The following CCDC102B variants were observed in gnomAD, a reference collection of about 807,000 sequenced individuals.
CCDC102B encodes coiled-coil domain-containing protein 102B.
In CCDC102B, 75 loss-of-function variants were observed where a neutral mutation model predicts 57.4. The observed-to-expected ratio is 1.31, with a 90% CI of 1.08 to 1.58. The LOEUF (loss-of-function observed/expected upper bound fraction) is 1.58, where lower values mean the gene tolerates loss of function less well. Ranked by LOEUF, CCDC102B falls within the 40% of genes most tolerant of loss-of-function variation. CCDC102B has a pLI of 0.00. For missense variants in CCDC102B, 636 were observed against 582.6 expected, an observed-to-expected ratio of 1.09 and a Z score of -0.94; for synonymous variants, 206 against 201.9, an observed-to-expected ratio of 1.02 and a Z score of -0.17.
chr18:68,856,851 G>A (rs888521536), intron 4 of CCDC102B, among the ~76,000 whole-genome samples: 7 of 144,386 alleles, frequency 4.8e-5, no homozygotes, highest in African/African-American at 1.7e-4. Context: ...TGAAAATAAA[G>A]AACTTTATAT....
intron 7 of CCDC102B, among the ~76,000 whole-genome samples, chr18:69,013,392 G>A (rs2051573652): frequency 6.6e-6 from 1 of 151,908 alleles, no homozygotes; most frequent in Non-Finnish European, 1.5e-5. Flanking sequence ...GTGGAAGGAG[G>A]GTAAATGATA....
intron 4 of CCDC102B, among the ~76,000 whole-genome samples, chr18:68,868,665 CAT>C (rs1426685859): frequency 6.6e-6 from 1 of 152,158 alleles, no homozygotes; most frequent in Non-Finnish European, 1.5e-5. Context: ...AATACTTGCT[CAT>C]ATACCCTTAT....
At chr18:68,840,435 G>A (rs888041266) in intron 3 of CCDC102B, among the ~76,000 whole-genome samples, 2 of 152,070 alleles carry the variant, frequency 1.3e-5, no homozygotes, top group African/African-American at 4.8e-5. Context: ...CCCTTTTTCA[G>A]ATTCTTCATC....
At chr18:68,856,307 A>G (rs145499884) in intron 4 of CCDC102B, among the ~76,000 whole-genome samples, 1 of 152,136 alleles carries the variant, frequency 6.6e-6, no homozygotes, top group African/African-American at 2.4e-5. Flanking sequence ...TTCTTCTCTT[A>G]AGACACACGG....
At chr18:68,763,116 T>C (rs1337851566) in intron 2 of CCDC102B, among the ~76,000 whole-genome samples, 1 of 152,140 alleles carries the variant, frequency 6.6e-6, no homozygotes, top group Non-Finnish European at 1.5e-5. Flanking sequence ...TATAGATAAG[T>C]TTGGTTTACA....
intron 1 of CCDC102B, among the ~76,000 whole-genome samples, chr18:68,815,614 C>G (rs1482897787): frequency 6.6e-6 from 1 of 151,514 alleles, no homozygotes; most frequent in Non-Finnish European, 1.5e-5. Flanking sequence ...AACAAACTGA[C>G]CAGGAAATAT....
At chr18:68,740,763 A>G (rs1039812306) in intron 2 of CCDC102B, among the ~76,000 whole-genome samples, 32 of 152,154 alleles carry the variant, frequency 2.1e-4, no homozygotes, top group African/African-American at 7.5e-4. Flanking sequence ...GCCCCATTTT[A>G]GCCTGTTTCA....
chr18:69,053,127 G>A (rs1219166915), intron 7 of CCDC102B, among the ~76,000 whole-genome samples: 2 of 151,726 alleles, frequency 1.3e-5, no homozygotes, highest in African/African-American at 4.8e-5. Context: ...GGAAAGGAGG[G>A]TAGGTATATA....
At chr18:68,899,554 G>A (rs777303436) in intron 6 of CCDC102B, among the ~76,000 whole-genome samples, 6 of 151,882 alleles carry the variant, frequency 4.0e-5, no homozygotes, top group East Asian at 1.9e-4. Flanking sequence ...AACACTGCAC[G>A]ATTATTAGTC....
chr18:68,838,941 T>C lies in CCDC102B; in HGVS notation c.827+15T>C, dbSNP rs2037504528. ...AAGGAAAGAGAGTAAGTGCTAATCATTGTCTCCCTTAACCAAGTCTAAGTT... is the reference window on the plus strand; with the variant it reads ...AAGGAAAGAGAGTAAGTGCTAATCACTGTCTCCCTTAACCAAGTCTAAGTT... On this transcript the variant is annotated intron_variant, in intron 3 of 7. Coordinates refer to ENST00000360242, the MANE Select transcript of CCDC102B (RefSeq NM_024781.3). 4 of 1,594,308 alleles carry C rather than the reference T, an allele frequency of 2.5e-6. No homozygotes were observed. The highest frequency in any genetic ancestry group is 1.3e-5 in the African/African-American group (1 of 74,624).
At chr18:68,908,884 T>C (rs1317944010) in intron 6 of CCDC102B, among the ~76,000 whole-genome samples, 1 of 152,074 alleles carries the variant, frequency 6.6e-6, no homozygotes, top group Non-Finnish European at 1.5e-5. Flanking sequence ...TGTGTATTAT[T>C]ATTCTCCAAA....
chr18:68,963,900 A>G (rs1486929105), intron 6 of CCDC102B, among the ~76,000 whole-genome samples: 8 of 151,896 alleles, frequency 5.3e-5, no homozygotes, highest in East Asian at 1.9e-4. Context: ...TGGTATCATC[A>G]TGTGAGAGAA....
chr18:68,945,056 GTC>G (rs1175524968), intron 6 of CCDC102B, among the ~76,000 whole-genome samples: 3 of 150,432 alleles, frequency 2.0e-5, no homozygotes, highest in Non-Finnish European at 4.4e-5. Context: ...ATCTTGGTGT[GTC>G]TCTGTCTGTG....
intron 7 of CCDC102B, among the ~76,000 whole-genome samples, chr18:69,034,435 A>G (rs2052231241): frequency 6.6e-6 from 1 of 151,982 alleles, no homozygotes; most frequent in Non-Finnish European, 1.5e-5. Flanking sequence ...TTGTCAATCT[A>G]GATTCCAGAA....
At chr18:68,942,777 G>T (rs1479108872) in intron 6 of CCDC102B, among the ~76,000 whole-genome samples, 1 of 151,692 alleles carries the variant, frequency 6.6e-6, no homozygotes, top group Non-Finnish European at 1.5e-5. Flanking sequence ...ACTGCAAAGA[G>T]GCCTTCCTCT....
At chr18:68,932,659 G>A (rs1219653052) in intron 6 of CCDC102B, among the ~76,000 whole-genome samples, 2 of 151,860 alleles carry the variant, frequency 1.3e-5, no homozygotes, top group Non-Finnish European at 2.9e-5. Flanking sequence ...TATATTTGAG[G>A]TAATAGGATT....
chr18:68,733,400 G>T (rs2032971893), intron 2 of CCDC102B, among the ~76,000 whole-genome samples: 1 of 150,552 alleles, frequency 6.6e-6, no homozygotes, highest in African/African-American at 2.4e-5. Context: ...TGAGGAAGGA[G>T]CAAACAGGGA....
At chr18:68,922,114 A>T (rs923072991) in intron 6 of CCDC102B, among the ~76,000 whole-genome samples, 1 of 152,116 alleles carries the variant, frequency 6.6e-6, no homozygotes, top group African/African-American at 2.4e-5. Flanking sequence ...CCTATTGAAT[A>T]AGCCCCCAGA....
At chr18:68,730,692 G>T (rs2032819797) in intron 2 of CCDC102B, among the ~76,000 whole-genome samples, 1 of 152,162 alleles carries the variant, frequency 6.6e-6, no homozygotes, top group African/African-American at 2.4e-5. Context: ...AAATCCTACT[G>T]ATTTAAAAAG....
Sources: allele counts gnomAD v4.1 joint callset (sites outside exome capture counted in the v4.1 genomes callset), GRCh38; gene constraint gnomAD v4.1.1; transcripts MANE v1.5; gene names NCBI Gene and HGNC (gene_info 2026-07-23, HGNC 2026-07-21).